The following PCNX2 variants were observed in gnomAD, a reference collection of about 807,000 sequenced individuals.
The protein encoded by PCNX2 is pecanex 2, also known as pecanex-like protein 2.
A neutral mutation model predicts 223.8 loss-of-function variants in PCNX2; 168 were observed. The ratio of observed to expected loss-of-function variants is 0.75; its 90% confidence interval spans 0.66 to 0.85. The LOEUF is 0.85. Ranked by LOEUF, PCNX2 falls within the 40% of genes least tolerant of loss-of-function variation. PCNX2 has a pLI of 0.00. For missense variants in PCNX2, 2,507 were observed against 2,675.5 expected (o/e 0.94, Z 1.39); for synonymous variants, 1,006 against 1,052.6 (o/e 0.96, Z 0.86).
chr1:233,189,658 C>T (rs1041842557), intron 15 of PCNX2, among the ~76,000 whole-genome samples: 1 of 152,086 alleles, frequency 6.6e-6, no homozygotes, highest in Admixed American at 6.6e-5. Context: ...GGCTGCAATC[C>T]TGTGGGACCC....
chr1:233,237,152 G>A (rs1658473241), intron 8 of PCNX2, among the ~76,000 whole-genome samples, 172 bp from the exon 9 acceptor site: 1 of 152,182 alleles, frequency 6.6e-6, no homozygotes, highest in East Asian at 1.9e-4. Context: ...GCTACCTTCA[G>A]GTAGAAGGTC....
At chr1:233,092,223 T>A (rs548978679) in intron 22 of PCNX2, among the ~76,000 whole-genome samples, 2 of 152,106 alleles carry the variant, frequency 1.3e-5, no homozygotes, top group South Asian at 4.2e-4. Flanking sequence ...GGACAGAGGG[T>A]GTGATGGGGC....
At chr1:233,048,498 G>A (rs893132258) in intron 25 of PCNX2, among the ~76,000 whole-genome samples, 1 of 152,098 alleles carries the variant, frequency 6.6e-6, no homozygotes, top group African/African-American at 2.4e-5. Context: ...AAAATTTCTG[G>A]GATGTGGTAA....
intron 10 of PCNX2, among the ~76,000 whole-genome samples, chr1:233,221,636 G>C (rs1283590486): frequency 6.6e-6 from 1 of 152,232 alleles, no homozygotes; most frequent in Admixed American, 6.5e-5. Flanking sequence ...GCACTGGATG[G>C]GGAAGAGAAC....
intron 15 of PCNX2, among the ~76,000 whole-genome samples, chr1:233,192,307 G>C (rs1039082205): frequency 6.6e-6 from 1 of 152,208 alleles, no homozygotes; most frequent in African/African-American, 2.4e-5. Flanking sequence ...AGTGTCAGCA[G>C]GTTGTTACCA....
chr1:233,100,260 A>T (rs1172070685), intron 21 of PCNX2, among the ~76,000 whole-genome samples: 1 of 152,052 alleles, frequency 6.6e-6, no homozygotes, highest in Non-Finnish European at 1.5e-5. Context: ...TAAAAATACA[A>T]AAATTAGCCG....
intron 32 of PCNX2, among the ~76,000 whole-genome samples, chr1:232,995,641 T>A (rs1223774744): frequency 1.3e-5 from 2 of 151,836 alleles, no homozygotes; most frequent in East Asian, 3.9e-4. Flanking sequence ...TTTTAAACTA[T>A]GCTGATTGTA....
intron 13 of PCNX2, among the ~76,000 whole-genome samples, chr1:233,205,137 CTT>C (rs899612696): frequency 2.0e-5 from 3 of 152,052 alleles, no homozygotes; most frequent in Non-Finnish European, 4.4e-5. Flanking sequence ...CCAAAGTTGA[CTT>C]TTTTACAGTA....
chr1:233,322,015 C>A, the PCNX2 span, among the ~76,000 whole-genome samples: 1 of 152,134 alleles, frequency 6.6e-6, no homozygotes, highest in Non-Finnish European at 1.5e-5. Context: ...ATAAGCGAAG[C>A]AGTAATTAGT....
At chr1:233,119,204 G>C (rs61470065) in intron 21 of PCNX2, among the ~76,000 whole-genome samples, 1 of 151,258 alleles carries the variant, frequency 6.6e-6, no homozygotes, top group Non-Finnish European at 1.5e-5. Flanking sequence ...CCTAAGTCTC[G>C]TAATTCATAT....
intron 25 of PCNX2, among the ~76,000 whole-genome samples, chr1:233,042,583 T>C (rs1671680520): frequency 6.6e-6 from 1 of 152,210 alleles, no homozygotes; most frequent in African/African-American, 2.4e-5. Context: ...CTTCACACTG[T>C]AACAGGGAGA....
chr1:233,207,929 C>T (rs1681573393), intron 13 of PCNX2, among the ~76,000 whole-genome samples: 2 of 151,978 alleles, frequency 1.3e-5, no homozygotes, highest in African/African-American at 2.4e-5. Context: ...CAGCAGGCAC[C>T]GTAACAACCA....
At chr1:233,288,804 CTTTTTT>C (rs10558976) in intron 1 of PCNX2, 1,548 of 431,104 alleles carry the variant, frequency 3.6e-3, no homozygotes, top group East Asian at 5.4e-3. Flanking sequence ...GAAAGATGCC[CTTTTTT>C]TTTTTTTTTT....
chr1:233,169,644 C>CAAAAA (rs200439765), intron 17 of PCNX2, among the ~76,000 whole-genome samples: 32 of 68,900 alleles, frequency 4.6e-4, no homozygotes, highest in African/African-American at 1.8e-3. Context: ...AACTCCGTCT[C>CAAAAA]AAAAAAAAAA....
chr1:233,046,781 T>C (rs1000475026), intron 25 of PCNX2, among the ~76,000 whole-genome samples: 3 of 152,184 alleles, frequency 2.0e-5, no homozygotes, highest in Admixed American at 6.5e-5. Flanking sequence ...TTTCATCTGA[T>C]GAAATTCAAG....
chr1:233,202,264 T>G (rs1304478712), intron 13 of PCNX2: 2 of 463,658 alleles, frequency 4.3e-6, no homozygotes, highest in Non-Finnish European at 8.9e-6. Context: ...TGAACAAACA[T>G]TTTCTGTTAG....
intron 21 of PCNX2, among the ~76,000 whole-genome samples, chr1:233,129,386 C>T (rs1676309489): frequency 6.6e-6 from 1 of 152,196 alleles, no homozygotes; most frequent in African/African-American, 2.4e-5. Flanking sequence ...CCTAAGCTTC[C>T]CCCACCCCGC....
chr1:233,200,330 G>T, intron 13 of PCNX2, 66 bp from the exon 14 acceptor site: 4 of 1,121,716 alleles, frequency 3.6e-6, no homozygotes, highest in Non-Finnish European at 5.1e-6. Flanking sequence ...TCCTGCTGCA[G>T]TGCTGTCTCT....
chr1:233,165,011 G>A (rs1678710590), intron 17 of PCNX2, among the ~76,000 whole-genome samples: 1 of 152,154 alleles, frequency 6.6e-6, no homozygotes, highest in Non-Finnish European at 1.5e-5. Context: ...AAAATAACTA[G>A]AAGAGAGGAT....
Sources: allele counts gnomAD v4.1 joint callset (sites outside exome capture counted in the v4.1 genomes callset), GRCh38; gene constraint gnomAD v4.1.1; transcripts MANE v1.5; gene names NCBI Gene and HGNC (gene_info 2026-07-23, HGNC 2026-07-21).